Variants in GLRX3 observed in about 807,000 individuals in gnomAD.
GLRX3 encodes the protein glutaredoxin 3, also known as glutaredoxin-3.
A neutral mutation model predicts 49.5 loss-of-function variants in GLRX3; 22 were observed. The ratio of observed to expected loss-of-function variants is 0.44; its 90% CI spans 0.32 to 0.63. The LOEUF is 0.63. GLRX3 is among the 30% of genes least tolerant of loss of function. GLRX3 has a pLI of 0.05. For synonymous variants in GLRX3, 133 were observed against 140.0 expected, an observed-to-expected ratio of 0.95 and a Z score of 0.35; for missense variants, 385 against 396.3, an observed-to-expected ratio of 0.97 and a Z score of 0.24.
chr10:130,174,693 T>C (rs1862879786), intron 8 of GLRX3, among the ~76,000 whole-genome samples, 174 bp from the exon 9 acceptor site: 1 of 152,258 alleles, frequency 6.6e-6, no homozygotes, highest in Admixed American at 6.5e-5. Context: ...TTGGAATGAC[T>C]AATTCTGTGT....
At chr10:130,167,081 G>A in intron 6 of GLRX3, 101 bp downstream of exon 6, 2 of 589,412 alleles carry the variant, frequency 3.4e-6, no homozygotes, top group South Asian at 5.8e-5. Context: ...AGAAATCAAG[G>A]ATTTGGTATG....
chr10:130,177,482 C>A (rs1194397576), intron 10 of GLRX3, among the ~76,000 whole-genome samples: 3 of 152,196 alleles, frequency 2.0e-5, no homozygotes, highest in Admixed American at 6.5e-5. Flanking sequence ...CTTTAAGAGG[C>A]TGCTTCACGT....
At chr10:130,162,404 CAGAT>C (rs1473749421) in intron 4 of GLRX3, among the ~76,000 whole-genome samples, 1 of 152,228 alleles carries the variant, frequency 6.6e-6, no homozygotes, top group East Asian at 1.9e-4. Flanking sequence ...AAGGTAGCAA[CAGAT>C]AGTCTCTGTT....
At chr10:130,139,362 G>A (rs1410552366) in intron 1 of GLRX3, among the ~76,000 whole-genome samples, 3 of 150,820 alleles carry the variant, frequency 2.0e-5, no homozygotes, top group Admixed American at 6.7e-5. Flanking sequence ...ATATTAGGCC[G>A]GGCGCGGTGG....
At position 130,177,327 on chromosome 10, in the gene GLRX3, T is replaced by G. The variant is rs1022730423; in HGVS notation, c.958-2015T>G. On this transcript the variant is annotated intron_variant, in intron 10 of 10. Transcript: ENST00000331244. The stretch of plus-strand genomic sequence containing the variant: ...TTCACTACTGCTGTTCCAGAATGTT[T>G]GGACTTAAGACAGTTTGTTGAGAGA... Among the ~76,000 whole-genome samples, 9 of 152,328 alleles carry G rather than the reference T, an allele frequency of 5.9e-5. No individual in the cohort carries two copies. The East Asian group carries it at 1.7e-3, about 29-fold the overall frequency.
chr10:130,140,844 G>A (rs1373263538), intron 1 of GLRX3, among the ~76,000 whole-genome samples: 1 of 152,046 alleles, frequency 6.6e-6, no homozygotes, highest in African/African-American at 2.4e-5. Context: ...CTATTATTGA[G>A]CATCAGAAAT....
At chr10:130,149,520 T>C (rs1286488097) in intron 2 of GLRX3, among the ~76,000 whole-genome samples, 1 of 152,202 alleles carries the variant, frequency 6.6e-6, no homozygotes, top group African/African-American at 2.4e-5. Flanking sequence ...TTAAAATGTT[T>C]TAGTGCCTTT....
At chr10:130,139,672 T>C (rs1260136146) in intron 1 of GLRX3, among the ~76,000 whole-genome samples, 1 of 149,120 alleles carries the variant, frequency 6.7e-6, no homozygotes, top group Admixed American at 6.7e-5. Context: ...AAGAATATCA[T>C]GGTGGCTTAC....
chr10:130,178,762 G>A (rs1862969594), intron 10 of GLRX3, among the ~76,000 whole-genome samples: 1 of 152,144 alleles, frequency 6.6e-6, no homozygotes, highest in Admixed American at 6.5e-5. Flanking sequence ...GAGTGCAATG[G>A]CACGATCTTG....
chr10:130,160,539 A>G (rs1570796), intron 3 of GLRX3, among the ~76,000 whole-genome samples: 1 of 152,142 alleles, frequency 6.6e-6, no homozygotes, highest in African/African-American at 2.4e-5. Flanking sequence ...ATTCCAGCCA[A>G]TGTGGGGGCA....
intron 2 of GLRX3, among the ~76,000 whole-genome samples, chr10:130,146,864 G>C (rs777800635): frequency 6.6e-6 from 1 of 152,128 alleles, no homozygotes; most frequent in Non-Finnish European, 1.5e-5. Flanking sequence ...CGTATAGTAG[G>C]TGATAAAATT....
rs370807193 is a variant in GLRX3 at position 130,167,862 on chromosome 10, G to A, written c.713+882G>A. ...TGTCCTGTGGTTGGTACCATTTCCT[G>A]TGTTCTTCATGAGAAAATGATACTC... is the stretch of plus-strand genomic sequence containing the variant. On this transcript the variant is annotated intron_variant, in intron 6 of 10. Coordinates refer to ENST00000331244, the MANE Select transcript of GLRX3 (RefSeq NM_006541.5). Among the ~76,000 whole-genome samples the A allele has an allele frequency of 1.1e-4, 17 of 152,246 alleles. No individual in the cohort carries two copies. In the East Asian group the frequency reaches 2.5e-3, roughly 22 times the overall value.
At chr10:130,149,517 G>A (rs1328609286) in intron 2 of GLRX3, among the ~76,000 whole-genome samples, 4 of 151,626 alleles carry the variant, frequency 2.6e-5, no homozygotes, top group Admixed American at 6.6e-5. Flanking sequence ...TAGTTAAAAT[G>A]TTTTAGTGCC....
chr10:130,167,030 A>C (rs756679377), intron 6 of GLRX3, 50 bp downstream of exon 6: 3 of 1,005,972 alleles, frequency 3.0e-6, no homozygotes, highest in Non-Finnish European at 4.4e-6. Context: ...TATATTAAAA[A>C]TATTTTAAAG....
intron 2 of GLRX3, among the ~76,000 whole-genome samples, chr10:130,146,984 C>G (rs1862281900): frequency 1.3e-5 from 2 of 152,196 alleles, no homozygotes; most frequent in African/African-American, 4.8e-5. Flanking sequence ...CCACCCCGTT[C>G]CTCTGTTGTC....
rs774687335 is a variant in GLRX3, at chr10:130,179,372, A to G, written c.988A>G (p.Ile330Val). 2.7e-6 allele frequency: 4 copies of G among 1,481,958 alleles called. No individual in the cohort carries two copies. The highest frequency in any genetic ancestry group is 1.9e-6 in the Non-Finnish European group (2 of 1,076,744). The allele number at this position is 1,481,958 out of a possible 1,614,324, so 91.8% of individuals were successfully genotyped here. The change falls in exon 11 of 11, where the codon ATA (isoleucine) becomes GTA (valine). Residue 330 changes from isoleucine to valine, a missense_variant. This residue lies in a region of GLRX3 where 11 missense variants were observed against 37.6 expected (regional missense o/e 0.29). Coordinates refer to ENST00000331244, the MANE Select transcript of GLRX3 (RefSeq NM_006541.5). ...GAAAGAAAATGGTGAATTGCTGCCT[A>G]TACTGAGAGGAGAAAATTAATAAAT... ...ELKENGELLP[I>V]LRGEN is the part of the protein sequence containing the mutation.
rs552757394 is a variant in GLRX3, at chr10:130,160,848, A to G, written c.329A>G (p.Lys110Arg). Residue 110 changes from lysine to arginine, a missense_variant, in exon 4 of 11, where the codon AAA becomes AGA. Coordinates refer to ENST00000331244, the MANE Select transcript of GLRX3 (RefSeq NM_006541.5). ...LDGAHAPELT[K>R]KVQRHASSGS... ...GGTGCACATGCCCCAGAGTTGACCAAAAAAGTTCAGCGACATGCATCTAGT... is the reference window on the plus strand; with the variant it reads ...GGTGCACATGCCCCAGAGTTGACCAGAAAAGTTCAGCGACATGCATCTAGT... 8.7e-6 allele frequency: 14 copies of G among 1,611,976 alleles called. No individual in the cohort carries two copies. The highest frequency in any genetic ancestry group is 8.0e-5 in the African/African-American group (6 of 75,042).
At chr10:130,136,726 G>A (rs900208535) in intron 1 of GLRX3, among the ~76,000 whole-genome samples, 1 of 152,174 alleles carries the variant, frequency 6.6e-6, no homozygotes, top group Non-Finnish European at 1.5e-5. Context: ...CAGCGAGCAG[G>A]GCGCGAGGCT....
At chr10:130,140,751 T>C (rs989528593) in intron 1 of GLRX3, among the ~76,000 whole-genome samples, 1 of 150,206 alleles carries the variant, frequency 6.7e-6, no homozygotes, top group African/African-American at 2.5e-5. Flanking sequence ...AATGTAGTTA[T>C]ATTAGTATTT....
Sources: allele counts gnomAD v4.1 joint callset (sites outside exome capture counted in the v4.1 genomes callset), GRCh38; gene constraint gnomAD v4.1.1; regional missense constraint gnomAD v4.1.1; transcripts MANE v1.5; gene names NCBI Gene and HGNC (gene_info 2026-07-23, HGNC 2026-07-21).